NEK4: variants seen among roughly 807,000 people sequenced by gnomAD.
NEK4 encodes the protein NIMA related kinase 4, also known as serine/threonine-protein kinase Nek4.
Under a neutral mutation model 98.4 loss-of-function variants are expected in NEK4, and 86 were observed. The observed-to-expected ratio is 0.87, with a 90% CI of 0.73 to 1.05. The LOEUF (loss-of-function observed/expected upper bound fraction) is 1.05, where lower values mean the gene tolerates loss of function less well. Ranked by LOEUF, NEK4 falls within the 50% of genes least tolerant of loss-of-function variation. The pLI is 0.00. For synonymous variants in NEK4, 328 were observed against 342.2 expected, an observed-to-expected ratio of 0.96 and a Z score of 0.46; for missense variants, 898 against 950.3, an observed-to-expected ratio of 0.94 and a Z score of 0.72.
chr3:52,734,562 A>AC lies in NEK4; in HGVS notation c.2433+3023dup, dbSNP rs542980464. Among the ~76,000 whole-genome samples, 14 of 150,726 alleles carry AC rather than the reference A, an allele frequency of 9.3e-5. No homozygotes were observed. In the South Asian group the frequency reaches 2.9e-3, roughly 32 times the overall value. On this transcript the variant is annotated intron_variant, in intron 15 of 15. Transcript: ENST00000233027. ...GTGGCACACACCTGTAGTCCCAGCT[A>AC]CTAGGGAGGCTGAGGCAGAAGAATC...
intron 15 of NEK4, among the ~76,000 whole-genome samples, chr3:52,731,781 A>T (rs2097369913): frequency 6.6e-6 from 1 of 152,166 alleles, no homozygotes. Flanking sequence ...TCGTCCTCCG[A>T]AAGTATGGTT....
At chr3:52,746,002 C>T in intron 10 of NEK4, 59 bp downstream of exon 10, 1 of 1,499,562 alleles carries the variant, frequency 6.7e-7, no homozygotes, top group Non-Finnish European at 9.2e-7. Flanking sequence ...GGATTACATG[C>T]ATGATACACC....
At chr3:52,766,928 G>A (rs1030285257) in intron 2 of NEK4, among the ~76,000 whole-genome samples, 2 of 152,120 alleles carry the variant, frequency 1.3e-5, no homozygotes, top group Admixed American at 1.3e-4. Flanking sequence ...GGAGCTTGCA[G>A]TGAGCCAAGA....
chr3:52,760,744 A>G, intron 6 of NEK4, 51 bp downstream of exon 6: 2 of 1,380,314 alleles, frequency 1.4e-6, no homozygotes, highest in Non-Finnish European at 2.0e-6. Context: ...TAGATGGCCC[A>G]TTTTTCTAAG....
At chr3:52,737,185 C>T (rs981217574) in intron 15 of NEK4, among the ~76,000 whole-genome samples, 15 of 152,138 alleles carry the variant, frequency 9.9e-5, no homozygotes, top group South Asian at 8.3e-4. Flanking sequence ...CTCAGGTGAT[C>T]CACCCACCTC....
intron 15 of NEK4, among the ~76,000 whole-genome samples, chr3:52,730,895 G>A (rs950575905): frequency 6.6e-6 from 1 of 152,136 alleles, no homozygotes; most frequent in African/African-American, 2.4e-5. Context: ...AGGAAATGGG[G>A]AACTATTGTT....
In NEK4 at chr3:52,766,261, G is replaced by A. The variant is rs756981933; in HGVS notation, c.475C>T (p.His159Tyr). 2 of 1,613,990 alleles carry A rather than the reference G, an allele frequency of 1.2e-6. No homozygotes were observed. ...ATGAGGGTGCTAGCCATGTCACAGT[G>A]GTTCTCTAACACTCGGGCAATTCCT... is the stretch of plus-strand genomic sequence containing the variant. The part of the protein sequence containing the change: ...DLGIARVLEN[H>Y]CDMASTLIGT... Residue 159 changes from histidine to tyrosine, a missense_variant, in exon 3 of 16, where the codon CAC becomes TAC. Coordinates refer to ENST00000233027, the MANE Select transcript of NEK4 (RefSeq NM_003157.6).
At chr3:52,764,244 G>A (rs535162933) in intron 4 of NEK4, among the ~76,000 whole-genome samples, 100 of 146,600 alleles carry the variant, frequency 6.8e-4, no homozygotes, top group Non-Finnish European at 1.0e-3. Context: ...CCGAGATCAC[G>A]CCACAGCACT....
At chr3:52,755,341 C>T (rs982677141) in intron 6 of NEK4, among the ~76,000 whole-genome samples, 1 of 151,754 alleles carries the variant, frequency 6.6e-6, no homozygotes, top group Non-Finnish European at 1.5e-5. Flanking sequence ...GTGGTGATGG[C>T]TGCATGATAC....
chr3:52,769,372 T>C (rs762253868), intron 1 of NEK4, among the ~76,000 whole-genome samples: 1 of 152,230 alleles, frequency 6.6e-6, no homozygotes, highest in East Asian at 1.9e-4. Context: ...ATAAGTTTAA[T>C]AGTCACTGAT....
chr3:52,726,124 G>A (rs1002743071), intron 15 of NEK4, among the ~76,000 whole-genome samples: 2 of 152,086 alleles, frequency 1.3e-5, no homozygotes, highest in Non-Finnish European at 2.9e-5. Context: ...AGACAAAAAA[G>A]GAGACATATA....
In NEK4 at chr3:52,763,354, T is replaced by C. The variant is rs186461522; in HGVS notation, c.821+116A>G. On this transcript the variant is annotated intron_variant, in intron 5 of 15. Transcript: ENST00000233027. Reference sequence around the variant, plus strand: ...CTCCTCTACATATGTAATCATGCCATTTTATTTCTTGTTTTTAAGAAAACT... The same window carrying C: ...CTCCTCTACATATGTAATCATGCCACTTTATTTCTTGTTTTTAAGAAAACT... The C allele has an allele frequency of 1.8e-4, 201 of 1,116,056 alleles. 1 individual carries two copies. In the East Asian group the frequency reaches 4.8e-3, roughly 27 times the overall value. 69.1% of individuals were successfully genotyped at this position (1,116,056 alleles called of 1,614,324 possible).
chr3:52,765,161 G>A (rs1385743888), intron 4 of NEK4, among the ~76,000 whole-genome samples: 1 of 151,968 alleles, frequency 6.6e-6, no homozygotes, highest in Non-Finnish European at 1.5e-5. Flanking sequence ...GACCATCCTG[G>A]CCAACATGGT....
chr3:52,721,870 T>C (rs1247147890), intron 15 of NEK4, among the ~76,000 whole-genome samples: 1 of 152,076 alleles, frequency 6.6e-6, no homozygotes, highest in East Asian at 1.9e-4. Context: ...TCCCTGGTGA[T>C]AGTGACAGGA....
At chr3:52,733,509 T>C (rs2097371945) in intron 15 of NEK4, 2 of 461,432 alleles carry the variant, frequency 4.3e-6, no homozygotes, top group African/African-American at 2.1e-5. Context: ...AGAGAAGTCA[T>C]ACTGCAGAAA....
At chr3:52,769,189 T>C (rs2268024) in intron 1 of NEK4, among the ~76,000 whole-genome samples, 51,516 of 151,824 alleles carry the variant, frequency 0.34, 9,736 homozygotes, top group Admixed American at 0.46. Flanking sequence ...ACCACTGCAC[T>C]CCAGCCTGGG....
chr3:52,767,758 T>C (rs1473445034), intron 2 of NEK4, among the ~76,000 whole-genome samples: 3 of 152,070 alleles, frequency 2.0e-5, no homozygotes, highest in Admixed American at 2.0e-4. Flanking sequence ...TCTCAGAATT[T>C]AAACATGGTC....
chr3:52,713,508 A>C (rs1034659299), intron 15 of NEK4, among the ~76,000 whole-genome samples: 7 of 152,232 alleles, frequency 4.6e-5, no homozygotes, highest in Admixed American at 4.6e-4. Context: ...AAAAATGTCA[A>C]AGTCAGCCAG....
Position 52,711,835 on chromosome 3 carries a change from G to A in NEK4, c.2468C>T (p.Thr823Ile). The change falls in exon 16 of 16, where the codon ACA (threonine) becomes ATA (isoleucine). Residue 823 changes from threonine to isoleucine, a missense_variant. Thr to Ile is a moderately conservative substitution (Grantham distance 89). Transcript: ENST00000233027. ...RLREHMGEKY[T>I]TYSVKARQLK... ...CTGGCGAGCTTTCACACTGTAAGTT[G>A]TATACTTTTCACCCATGTGCTCCCG... The A allele has an allele frequency of 3.7e-6, 6 of 1,610,258 alleles. No homozygotes were observed. Among genetic ancestry groups the A allele is most frequent in the African/African-American group, 1.3e-5 (1 of 74,922 alleles).
Sources: gnomAD v4.1 joint callset for allele counts (sites outside exome capture counted in the v4.1 genomes callset) on GRCh38, gnomAD v4.1.1 for gene constraint, MANE v1.5 for transcripts, NCBI Gene and HGNC (gene_info 2026-07-23, HGNC 2026-07-21) for gene names.